Variants in PTPA observed in about 807,000 individuals in gnomAD.
PTPA encodes serine/threonine-protein phosphatase 2A activator.
In PTPA, 13 loss-of-function variants were observed where a neutral mutation model predicts 43.6. That is an observed-to-expected ratio of 0.30 (90% CI 0.19 to 0.47). PTPA has a LOEUF of 0.47. Among genes scored for constraint, PTPA ranks in the 20% least tolerant of loss-of-function variants. PTPA has a pLI of 0.99. For missense variants in PTPA, 329 were observed against 411.9 expected (o/e 0.80, Z 1.74); for synonymous variants, 172 against 158.2 (o/e 1.09, Z -0.66).
In PTPA at chr9:129,129,014, C is replaced by G. The variant is rs564922023; in HGVS notation, c.246C>G (p.Asn82Lys). The change falls in exon 4 of 10, where the codon AAC becomes AAG. Residue 82 changes from asparagine to lysine, a missense_variant. Transcript: ENST00000393370. ...EAIEKLVALL[N>K]TLDRWIDETP... ...TTGAGAAACTAGTCGCTCTTCTCAA[C>G]ACGCTGGACAGGTGGATTGATGAGA... is the stretch of plus-strand genomic sequence containing the variant. 8.7e-6 allele frequency: 14 copies of G among 1,613,164 alleles called. 1 individual carries two copies. The South Asian group carries it at 1.5e-4, about 18-fold the overall frequency.
chr9:129,115,790 C>T (rs1007609996), intron 1 of PTPA, among the ~76,000 whole-genome samples: 4 of 150,700 alleles, frequency 2.7e-5, no homozygotes, highest in Non-Finnish European at 5.9e-5. Flanking sequence ...CAGGTGCCCA[C>T]CACCACGCCT....
intron 3 of PTPA, among the ~76,000 whole-genome samples, chr9:129,124,086 G>T (rs1365256791): frequency 2.6e-5 from 4 of 152,212 alleles, no homozygotes; most frequent in Admixed American, 2.6e-4. Flanking sequence ...CAGCAGAGCT[G>T]ATCTCTCCCT....
intron 1 of PTPA, among the ~76,000 whole-genome samples, chr9:129,120,294 C>G (rs149599242): frequency 0.038 from 5,674 of 150,092 alleles, 351 homozygotes; most frequent in African/African-American, 0.13. Flanking sequence ...TGTGGTGGCA[C>G]GTGCCTGTAA....
At chr9:129,142,385 G>C in intron 8 of PTPA, 60 bp from the exon 9 acceptor site, 1 of 1,478,138 alleles carries the variant, frequency 6.8e-7, no homozygotes, top group South Asian at 1.3e-5. Flanking sequence ...TGCTGCAGGG[G>C]AGGAGGGATG....
At chr9:129,118,457 C>T (rs562455962) in intron 1 of PTPA, among the ~76,000 whole-genome samples, 11 of 152,072 alleles carry the variant, frequency 7.2e-5, no homozygotes, top group Non-Finnish European at 1.0e-4. Context: ...TCACTGCAAC[C>T]TCTGCCTCCT....
intron 8 of PTPA, among the ~76,000 whole-genome samples, chr9:129,141,061 C>T (rs1034948702): frequency 2.0e-5 from 3 of 152,054 alleles, no homozygotes; most frequent in African/African-American, 4.8e-5. Flanking sequence ...AGGGAGGAGC[C>T]TGTTGTCCTT....
At chr9:129,133,826 G>GC (rs931724777) in intron 5 of PTPA, among the ~76,000 whole-genome samples, 26 of 152,168 alleles carry the variant, frequency 1.7e-4, no homozygotes, top group African/African-American at 6.0e-4. Context: ...CGACATACTG[G>GC]CCTCCTTAGT....
intron 6 of PTPA, among the ~76,000 whole-genome samples, chr9:129,135,563 T>C (rs1177718605): frequency 6.6e-6 from 1 of 152,208 alleles, no homozygotes; most frequent in Non-Finnish European, 1.5e-5. Flanking sequence ...CACAGAGATA[T>C]CCGGTGTCTT....
At chr9:129,141,369 C>T (rs1423770113) in intron 8 of PTPA, among the ~76,000 whole-genome samples, 3 of 152,118 alleles carry the variant, frequency 2.0e-5, no homozygotes, top group Non-Finnish European at 2.9e-5. Context: ...CCGCATGTTT[C>T]TAGAACCTTC....
rs945106750 is a variant in PTPA, at chr9:129,111,621, G to C, written c.21G>C (p.Gln7His). ...GCAAGATGGCTGAGGGCGAGCGGCA[G>C]CCGCCGCCAGGTAAGGCCGGCGGGG... MAEGER[Q>H]PPPDSSEEAP... The change falls in exon 1 of 10, where the codon CAG becomes CAC. Residue 7 changes from glutamine (Q) to histidine (H), a missense_variant. Coordinates refer to ENST00000393370, the MANE Select transcript of PTPA (RefSeq NM_178000.3). 1 of 1,276,248 alleles carries C rather than the reference G, an allele frequency of 7.8e-7. No individual in the cohort carries two copies. The highest frequency in any genetic ancestry group is 1.0e-6 in the Non-Finnish European group (1 of 1,003,204). 79.1% of individuals were successfully genotyped at this position (1,276,248 alleles called of 1,614,324 possible).
chr9:129,143,704 G>A, intron 9 of PTPA: 1 of 423,746 alleles, frequency 2.4e-6, no homozygotes, highest in East Asian at 4.2e-5. Flanking sequence ...CCTGTGTTTA[G>A]GTTCCAGCCC....
At chr9:129,145,517 C>G (rs1272667523) in intron 9 of PTPA, among the ~76,000 whole-genome samples, 1 of 152,184 alleles carries the variant, frequency 6.6e-6, no homozygotes, top group African/African-American at 2.4e-5. Context: ...CCTCCAAGGC[C>G]TGCCAGTCTT....
At chr9:129,119,869 C>G (rs1480129655) in intron 1 of PTPA, 1 of 152,242 alleles carries the variant, frequency 6.6e-6, no homozygotes. Flanking sequence ...TGAGGGAGGG[C>G]AGGAGGCTGT....
At chr9:129,137,717 G>GC in intron 8 of PTPA, 25 bp downstream of exon 8, 1 of 1,528,152 alleles carries the variant, frequency 6.5e-7, no homozygotes, top group South Asian at 1.2e-5. Context: ...TGAGAGAGAA[G>GC]CCCATGGCTG....
At chr9:129,138,969 G>A (rs915608826) in intron 8 of PTPA, among the ~76,000 whole-genome samples, 5 of 152,212 alleles carry the variant, frequency 3.3e-5, no homozygotes, top group African/African-American at 9.6e-5. Flanking sequence ...AGCCAGTCAC[G>A]CGCTGCTCTC....
intron 9 of PTPA, chr9:129,143,373 A>G (rs1213794146): frequency 1.4e-6 from 1 of 703,088 alleles, no homozygotes; most frequent in South Asian, 1.5e-5. Context: ...TTCTGTTCTC[A>G]GGCTGGCCCT....
intron 9 of PTPA, chr9:129,143,492 G>A (rs937306374): frequency 1.4e-6 from 1 of 700,750 alleles, no homozygotes; most frequent in East Asian, 2.7e-5. Context: ...TGGACCCAGA[G>A]CTTCCTGGAT....
chr9:129,134,423 C>T (rs1361297279), intron 5 of PTPA, among the ~76,000 whole-genome samples: 2 of 150,178 alleles, frequency 1.3e-5, no homozygotes, highest in African/African-American at 4.9e-5. Context: ...TCCATCTCAG[C>T]CTCCTGAGTA....
intron 9 of PTPA, 92 bp from the exon 10 acceptor site, chr9:129,147,295 G>T: frequency 1.5e-6 from 2 of 1,325,696 alleles, no homozygotes; most frequent in Non-Finnish European, 1.1e-6. Context: ...CTGGGCCCGG[G>T]ATGGACACCT....
Sources: gnomAD v4.1 joint callset for allele counts (sites outside exome capture counted in the v4.1 genomes callset) on GRCh38, gnomAD v4.1.1 for gene constraint, MANE v1.5 for transcripts, NCBI Gene and HGNC (gene_info 2026-07-23, HGNC 2026-07-21) for gene names.